The following CACNB4 variants were observed in gnomAD, a reference collection of about 807,000 sequenced individuals.
The protein encoded by CACNB4 is calcium voltage-gated channel auxiliary subunit beta 4.
In CACNB4, 32 loss-of-function variants were observed where a neutral mutation model predicts 71.2. That is an observed-to-expected ratio of 0.45 (90% CI 0.34 to 0.60). The LOEUF is 0.60. CACNB4 is among the 20% of genes least tolerant of loss of function. The pLI is 0.01. For missense variants in CACNB4, 464 were observed against 647.9 expected (o/e 0.72, Z 3.08); for synonymous variants, 231 against 236.9 (o/e 0.97, Z 0.23).
intron 3 of CACNB4, among the ~76,000 whole-genome samples, chr2:151,882,214 G>T: frequency 8.7e-6 from 1 of 114,468 alleles, no homozygotes. Context: ...TTTTTGGTAG[G>T]GTTTTGCTCT....
intron 2 of CACNB4, among the ~76,000 whole-genome samples, chr2:152,049,725 T>C (rs1685321560): frequency 6.6e-6 from 1 of 152,248 alleles, no homozygotes; most frequent in Admixed American, 6.5e-5. Context: ...AAAGGCTGTG[T>C]TCTAAAGCAT....
At chr2:152,061,698 A>C (rs1686024502) in intron 2 of CACNB4, among the ~76,000 whole-genome samples, 1 of 151,840 alleles carries the variant, frequency 6.6e-6, no homozygotes, top group Admixed American at 6.6e-5. Context: ...CAAACAGTAG[A>C]ATAAAGAATG....
intron 3 of CACNB4, 132 bp from the exon 4 acceptor site, chr2:151,881,054 T>C (rs1313066185): frequency 2.4e-6 from 2 of 835,434 alleles, no homozygotes; most frequent in Non-Finnish European, 3.6e-6. Flanking sequence ...TTTTACATTC[T>C]CAAGCAATAT....
intron 2 of CACNB4, among the ~76,000 whole-genome samples, chr2:151,917,679 A>G (rs2099857872): frequency 6.6e-6 from 1 of 151,946 alleles, no homozygotes; most frequent in Non-Finnish European, 1.5e-5. Flanking sequence ...TCTACTAAAA[A>G]TACAAAATTA....
chr2:151,883,503 T>A (rs1035539106), intron 2 of CACNB4, 133 bp from the exon 3 acceptor site: 12 of 801,252 alleles, frequency 1.5e-5, no homozygotes, highest in Non-Finnish European at 2.5e-5. Flanking sequence ...TTATTGCAGA[T>A]ATAAATTTAG....
At chr2:152,002,416 G>C (rs1382206569) in intron 2 of CACNB4, among the ~76,000 whole-genome samples, 3 of 152,082 alleles carry the variant, frequency 2.0e-5, no homozygotes, top group Admixed American at 1.3e-4. Context: ...GTCTTTCTCT[G>C]TTCATATATA....
chr2:151,906,486 C>G (rs201555753), intron 2 of CACNB4, among the ~76,000 whole-genome samples: 3 of 152,188 alleles, frequency 2.0e-5, no homozygotes, highest in African/African-American at 7.2e-5. Flanking sequence ...AGCAGTTACT[C>G]TATCTATGAA....
rs1250586403 is a variant in CACNB4, at chr2:151,834,870, ACAGT to A, written c.*4245_*4248del. On this transcript the variant is annotated 3_prime_UTR_variant, in exon 14 of 14. Coordinates refer to ENST00000539935, the MANE Select transcript of CACNB4 (RefSeq NM_000726.5). ...AATTTCCTATAAATTTTTCATTCAT[ACAGT>A]CATTCAAGGATGAGTTTTATATAAT... 6.6e-6 allele frequency: 1 copy of A among 151,988 alleles called. No individual in the cohort carries two copies. Among genetic ancestry groups the A allele is most frequent in the African/African-American group, 2.4e-5 (1 of 41,452 alleles). The allele number at this position is 151,988 out of a possible 1,614,324, so 9.4% of individuals were successfully genotyped here.
chr2:151,941,275 A>AT (rs11346045), intron 2 of CACNB4, among the ~76,000 whole-genome samples: 3,136 of 112,306 alleles, frequency 0.028, 104 homozygotes, highest in African/African-American at 0.079. Context: ...AAAATGGTTA[A>AT]TTTTTTTTTT....
intron 6 of CACNB4, 180 bp from the exon 7 acceptor site, chr2:151,871,041 G>A (rs888630532): frequency 4.0e-5 from 24 of 606,466 alleles, no homozygotes; most frequent in African/African-American, 3.9e-4. Context: ...TTTTGAAGAT[G>A]TATGAAAAAC....
At chr2:152,020,013 C>G (rs1180185202) in intron 2 of CACNB4, among the ~76,000 whole-genome samples, 2 of 152,150 alleles carry the variant, frequency 1.3e-5, no homozygotes, top group Non-Finnish European at 2.9e-5. Flanking sequence ...CTTAAAAACT[C>G]AAGGAAAAAC....
chr2:152,084,142 G>C lies in CACNB4; in HGVS notation c.147+14188C>G, dbSNP rs1172626422. On this transcript the variant is annotated intron_variant, in intron 2 of 13. Transcript: ENST00000539935. ...CTGCTAGAAGCAGGTTTTAGGTGCA[G>C]TTCGGGGCAGAGGCTGAATGATGTC... is the stretch of plus-strand genomic sequence containing the variant. 3.9e-5 allele frequency among the ~76,000 whole-genome samples: 6 copies of C among 152,190 alleles called. No individual in the cohort carries two copies. In the South Asian group the frequency reaches 6.2e-4, roughly 16 times the overall value.
intron 2 of CACNB4, among the ~76,000 whole-genome samples, chr2:151,885,044 G>A (rs1238466357): frequency 1.3e-5 from 2 of 152,150 alleles, no homozygotes; most frequent in African/African-American, 4.8e-5. Context: ...TTGCCTTTAA[G>A]GGCAACTTTG....
At chr2:151,921,177 A>G (rs1384146391) in intron 2 of CACNB4, among the ~76,000 whole-genome samples, 280 of 59,710 alleles carry the variant, frequency 4.7e-3, no homozygotes, top group Middle Eastern at 0.017. Flanking sequence ...AAATAAATAA[A>G]TAAATAAGTT....
chr2:151,931,779 T>A (rs980842777), intron 2 of CACNB4, among the ~76,000 whole-genome samples: 4 of 152,180 alleles, frequency 2.6e-5, no homozygotes, highest in African/African-American at 9.7e-5. Context: ...ACAAAAAAGA[T>A]GAGTTCTACC....
Position 151,875,851 on chromosome 2 carries a change from C to G in CACNB4, c.521+575G>C, listed in dbSNP as rs568824729. ...GCGTCTCGCCTGGCGGGGGGCTGAC[C>G]CCCCCATCTCCCTCCCGGACGGGGC... On this transcript the variant is annotated intron_variant, in intron 5 of 13. Transcript: ENST00000539935. Among the ~76,000 whole-genome samples the G allele has an allele frequency of 1.2e-4, 17 of 138,206 alleles. No homozygotes were observed. The South Asian group carries it at 3.8e-3, about 31-fold the overall frequency. The allele number at this position is 138,206 out of a possible 152,430, so 90.7% of individuals were successfully genotyped here.
chr2:151,878,051 GT>G (rs1297076877), intron 4 of CACNB4, among the ~76,000 whole-genome samples: 2 of 151,986 alleles, frequency 1.3e-5, no homozygotes, highest in African/African-American at 4.8e-5. Context: ...TTCCTTTACT[GT>G]TTTTATCAGT....
chr2:152,062,512 T>C (rs937843019), intron 2 of CACNB4, among the ~76,000 whole-genome samples: 1 of 152,210 alleles, frequency 6.6e-6, no homozygotes, highest in African/African-American at 2.4e-5. Flanking sequence ...GACAGATACA[T>C]GCATTCCTAA....
chr2:151,906,831 C>T (rs2099854937), intron 2 of CACNB4, among the ~76,000 whole-genome samples: 1 of 152,190 alleles, frequency 6.6e-6, no homozygotes, highest in African/African-American at 2.4e-5. Flanking sequence ...GATTGCTACC[C>T]TGACGTGTCT....
Sources: allele counts gnomAD v4.1 joint callset (sites outside exome capture counted in the v4.1 genomes callset), GRCh38; gene constraint gnomAD v4.1.1; transcripts MANE v1.5; gene names NCBI Gene and HGNC (gene_info 2026-07-23, HGNC 2026-07-21).